The following TLK1 variants were observed in gnomAD, a reference collection of about 807,000 sequenced individuals.
The protein encoded by TLK1 is tousled like kinase 1, also known as serine/threonine-protein kinase tousled-like 1.
In TLK1, 24 loss-of-function variants were observed where a neutral mutation model predicts 105.3. That is an observed-to-expected ratio of 0.23 (90% CI 0.17 to 0.32). The LOEUF (loss-of-function observed/expected upper bound fraction) is 0.32, where lower values mean the gene tolerates loss of function less well. TLK1 is among the 10% of genes least tolerant of loss of function. The pLI, the probability that TLK1 is intolerant of heterozygous loss-of-function variation, is 1.00. For synonymous variants in TLK1, 321 were observed against 310.4 expected, an observed-to-expected ratio of 1.03 and a Z score of -0.36; for missense variants, 558 against 910.5, an observed-to-expected ratio of 0.61 and a Z score of 4.98.
intron 1 of TLK1, among the ~76,000 whole-genome samples, chr2:171,195,476 T>C (rs576645730): frequency 1.6e-5 from 2 of 123,036 alleles, no homozygotes; most frequent in Admixed American, 2.1e-4. Context: ...GCACTCCAGC[T>C]AGGTGACAGA....
chr2:171,003,925 G>A (rs1487044834), intron 18 of TLK1, among the ~76,000 whole-genome samples: 1 of 151,906 alleles, frequency 6.6e-6, no homozygotes, highest in African/African-American at 2.4e-5. Context: ...TATATTTCAC[G>A]CCTTCGTGAC....
At chr2:171,094,064 A>C (rs1448483568) in intron 2 of TLK1, among the ~76,000 whole-genome samples, 1 of 152,258 alleles carries the variant, frequency 6.6e-6, no homozygotes, top group East Asian at 1.9e-4. Context: ...GCCCTAGTCA[A>C]ACACAGAATA....
At chr2:171,114,411 G>T (rs910789996) in intron 2 of TLK1, among the ~76,000 whole-genome samples, 3 of 152,220 alleles carry the variant, frequency 2.0e-5, no homozygotes, top group Non-Finnish European at 4.4e-5. Flanking sequence ...GTACATAAAA[G>T]TAGAGGCCCA....
chr2:171,100,373 G>A (rs1689636085), intron 2 of TLK1, among the ~76,000 whole-genome samples: 1 of 152,148 alleles, frequency 6.6e-6, no homozygotes, highest in Admixed American at 6.5e-5. Context: ...AACTCTTGCA[G>A]TAATGAGTGA....
At chr2:171,021,686 T>C (rs1190445592) in intron 12 of TLK1, among the ~76,000 whole-genome samples, 1 of 152,192 alleles carries the variant, frequency 6.6e-6, no homozygotes, top group Non-Finnish European at 1.5e-5. Context: ...GTGAAAGTTA[T>C]CTCTGAACTG....
At position 171,193,793 on chromosome 2, in the gene TLK1, G is replaced by T. The variant is rs116851087; in HGVS notation, c.-6+37352C>A. ...TGCAGTGGCACAATCACGGCTCATT[G>T]CCAACCTCTGCCTCCTGAGTTCAAG... On this transcript the variant is annotated intron_variant, in intron 1 of 20. Transcript: ENST00000521943. Among the ~76,000 whole-genome samples the T allele has an allele frequency of 3.4e-3, 437 of 130,108 alleles. 13 individuals carry two copies. The East Asian group carries it at 0.088, about 26-fold the overall frequency. The allele number at this position is 130,108 out of a possible 152,430, so 85.4% of individuals were successfully genotyped here. A position where few individuals can be genotyped will look rare whatever the true frequency, so the allele number is the denominator to read the frequency against.
rs1282766111 is a variant in TLK1, at chr2:171,160,809, C to T, written c.-381G>A. ...CCGCGGGCGGAACCTGCCGGCACCT[C>T]TGCAGTGCGTCGGCCCCCGGCGTCG... On this transcript the variant is annotated 5_prime_UTR_variant, in exon 1 of 21. Coordinates refer to ENST00000431350, the MANE Select transcript of TLK1 (RefSeq NM_012290.5). The surrounding 1 kb of genome is among the most constrained non-coding windows in gnomAD (Gnocchi z 4.4). The T allele has an allele frequency of 8.0e-6, 3 of 374,946 alleles. No individual in the cohort carries two copies. The highest frequency in any genetic ancestry group is 9.3e-5 in the Admixed American group (2 of 21,570). The allele number at this position is 374,946 out of a possible 1,614,324, so 23.2% of individuals were successfully genotyped here.
intron 3 of TLK1, among the ~76,000 whole-genome samples, chr2:171,077,982 CT>C (rs1182163379): frequency 6.6e-6 from 1 of 152,154 alleles, no homozygotes; most frequent in Non-Finnish European, 1.5e-5. Flanking sequence ...TCAAACCATA[CT>C]CTGAGATCTG....
intron 12 of TLK1, among the ~76,000 whole-genome samples, chr2:171,023,659 C>T (rs1411985562): frequency 2.0e-5 from 3 of 152,124 alleles, no homozygotes; most frequent in African/African-American, 7.2e-5. Flanking sequence ...GACCTAATAA[C>T]TTTCAAAATT....
chr2:171,227,568 CTTTTTTTTTTTTTTTTT>C (rs71401413), intron 1 of TLK1, among the ~76,000 whole-genome samples: 5 of 55,518 alleles, frequency 9.0e-5, no homozygotes, highest in South Asian at 8.4e-4. Context: ...AGTAAATCTC[CTTTTTTTTTTTTTTTTT>C]TTTTTTTTTT....
intron 1 of TLK1, among the ~76,000 whole-genome samples, chr2:171,153,699 T>C (rs1209750173): frequency 6.6e-6 from 1 of 152,016 alleles, no homozygotes; most frequent in African/African-American, 2.4e-5. Flanking sequence ...GACACAGGGG[T>C]CCCAGATAAA....
rs182637384 is a variant in TLK1 at position 171,133,044 on chromosome 2, T to G, written c.140-15187A>C. 1.4e-3 allele frequency among the ~76,000 whole-genome samples: 220 copies of G among 152,314 alleles called. 1 individual carries two copies. Among genetic ancestry groups the G allele is most frequent in the Admixed American group, 3.5e-3 (53 of 15,300 alleles). The stretch of plus-strand genomic sequence containing the variant: ...ATCTTATTTAAAAACCAAGGAACTA[T>G]AACTTCTTGGAGCTCAATATGTAAA... On this transcript the variant is annotated intron_variant, in intron 1 of 20. Coordinates refer to ENST00000431350, the MANE Select transcript of TLK1 (RefSeq NM_012290.5).
intron 1 of TLK1, among the ~76,000 whole-genome samples, chr2:171,149,742 C>A (rs1691954679): frequency 6.6e-6 from 1 of 151,888 alleles, no homozygotes; most frequent in African/African-American, 2.4e-5. Context: ...CATGTCTCCA[C>A]AAAAAGTTAA....
chr2:171,025,589 G>A (rs1048334136), intron 12 of TLK1, among the ~76,000 whole-genome samples: 1 of 152,158 alleles, frequency 6.6e-6, no homozygotes, highest in Non-Finnish European at 1.5e-5. Context: ...TATGGTAGAA[G>A]CTGTATATTT....
chr2:171,129,596 T>C (rs1173392157), intron 1 of TLK1, among the ~76,000 whole-genome samples: 1 of 152,032 alleles, frequency 6.6e-6, no homozygotes, highest in Non-Finnish European at 1.5e-5. Flanking sequence ...TCCCAGCACT[T>C]TGAAGGCCAA....
intron 8 of TLK1, among the ~76,000 whole-genome samples, chr2:171,053,032 G>T (rs1687317674): frequency 6.6e-6 from 1 of 152,154 alleles, no homozygotes; most frequent in South Asian, 2.1e-4. Context: ...GCATCAAGGG[G>T]TAAGAACTGC....
At chr2:171,076,782 T>C (rs956946692) in intron 3 of TLK1, among the ~76,000 whole-genome samples, 45 of 148,342 alleles carry the variant, frequency 3.0e-4, no homozygotes, top group South Asian at 6.5e-4. Flanking sequence ...GGCGTGGTGG[T>C]GGGCGCTTGT....
intron 1 of TLK1, among the ~76,000 whole-genome samples, chr2:171,191,351 T>C (rs1014341171): frequency 6.6e-6 from 1 of 151,384 alleles, no homozygotes; most frequent in Non-Finnish European, 1.5e-5. Flanking sequence ...GAAGTTTCAC[T>C]TGAGGCCAAG....
intron 1 of TLK1, among the ~76,000 whole-genome samples, chr2:171,202,396 G>C (rs1328697310): frequency 6.6e-6 from 1 of 151,854 alleles, no homozygotes; most frequent in African/African-American, 2.4e-5. Flanking sequence ...AGGTTGCGGT[G>C]AGCCGGGATC....
Sources: gnomAD v4.1 joint callset for allele counts (sites outside exome capture counted in the v4.1 genomes callset) on GRCh38, gnomAD v4.1.1 for gene constraint, Gnocchi (gnomAD v3.1) non-coding constraint, MANE v1.5 for transcripts, NCBI Gene and HGNC (gene_info 2026-07-23, HGNC 2026-07-21) for gene names.